SLCO2B1: variants seen among roughly 807,000 people sequenced by gnomAD.
The protein encoded by SLCO2B1 is OATP-RP2.
SLCO2B1 carries 41 observed loss-of-function variants against 67.3 expected under a neutral mutation model. The observed-to-expected ratio is 0.61, with a 90% CI of 0.47 to 0.79. The LOEUF (loss-of-function observed/expected upper bound fraction) is 0.79. SLCO2B1 is among the 30% of genes least tolerant of loss of function. SLCO2B1 has a pLI of 0.00. For synonymous variants in SLCO2B1, 379 were observed against 381.4 expected, an observed-to-expected ratio of 0.99 and a Z score of 0.07; for missense variants, 837 against 920.1, an observed-to-expected ratio of 0.91 and a Z score of 1.17.
At chr11:75,179,042 T>C (rs74324656) in intron 7 of SLCO2B1, among the ~76,000 whole-genome samples, 1,883 of 152,282 alleles carry the variant, frequency 0.012, 45 homozygotes, top group African/African-American at 0.043. Context: ...TGAATCCGTA[T>C]CTTGGCTACT....
At chr11:75,161,977 C>A (rs1160314421) in intron 1 of SLCO2B1, among the ~76,000 whole-genome samples, 1 of 152,298 alleles carries the variant, frequency 6.6e-6, no homozygotes, top group Admixed American at 6.5e-5. Flanking sequence ...TCAGTTATCA[C>A]CCCATGGGCC....
chr11:75,162,564 C>T (rs1325025389), intron 1 of SLCO2B1, 91 bp from the exon 2 acceptor site: 2 of 1,353,086 alleles, frequency 1.5e-6, no homozygotes, highest in Non-Finnish European at 2.0e-6. Flanking sequence ...TCCTGAAAGA[C>T]CTTGGTTCTG....
At chr11:75,171,485 T>A (rs1480213487) in intron 6 of SLCO2B1, among the ~76,000 whole-genome samples, 5 of 152,196 alleles carry the variant, frequency 3.3e-5, no homozygotes, top group Admixed American at 6.5e-5. Flanking sequence ...CTCGAACTCC[T>A]GGCCTCTAAT....
At chr11:75,203,165 G>A (rs1175753883) in intron 12 of SLCO2B1, 142 bp from the exon 13 acceptor site, 12 of 1,296,116 alleles carry the variant, frequency 9.3e-6, no homozygotes, top group Non-Finnish European at 1.3e-5. Flanking sequence ...AAGCCACCTC[G>A]GATGCAGGGG....
Position 75,193,356 on chromosome 11 carries a change from C to T in SLCO2B1, c.1214C>T (p.Thr405Ile), listed in dbSNP as rs747713084. The part of the protein sequence containing the change: ...PKFLERQFSI[T>I]ASYANLLIGC... ...TTCCTGGAGCGCCAGTTTTCCATCACAGCCTCCTACGCCAACCTGCTCATC... is the reference window on the plus strand; with the variant it reads ...TTCCTGGAGCGCCAGTTTTCCATCATAGCCTCCTACGCCAACCTGCTCATC... The change falls in exon 9 of 14, where the codon ACA (threonine) becomes ATA (isoleucine). Residue 405 changes from threonine (T) to isoleucine (I), a missense_variant. By Grantham distance (89) the Thr-to-Ile change is moderately conservative. Coordinates refer to ENST00000289575, the MANE Select transcript of SLCO2B1 (RefSeq NM_007256.5). The surrounding 1 kb of genome is among the most constrained non-coding windows in gnomAD (Gnocchi z 4.2). 48 of 1,614,078 alleles carry T rather than the reference C, an allele frequency of 3.0e-5. No homozygotes were observed. The highest frequency in any genetic ancestry group is 4.1e-5 in the Non-Finnish European group (48 of 1,180,054).
intron 8 of SLCO2B1, among the ~76,000 whole-genome samples, chr11:75,189,655 T>C (rs1419397662): frequency 6.6e-6 from 1 of 151,894 alleles, no homozygotes; most frequent in East Asian, 1.9e-4. Context: ...TTCCTAAGAT[T>C]TGATGTTGGG....
At chr11:75,157,841 G>A (rs1215680602) in intron 1 of SLCO2B1, among the ~76,000 whole-genome samples, 2 of 152,030 alleles carry the variant, frequency 1.3e-5, no homozygotes, top group African/African-American at 4.8e-5. Context: ...ACATAGAGAT[G>A]GGGTATCACC....
At chr11:75,197,969 G>T (rs1377080971) in intron 10 of SLCO2B1, among the ~76,000 whole-genome samples, 5 of 152,190 alleles carry the variant, frequency 3.3e-5, no homozygotes, top group Non-Finnish European at 5.9e-5. Context: ...GGGGATTTGT[G>T]GGGGCAGCAG....
intron 8 of SLCO2B1, among the ~76,000 whole-genome samples, chr11:75,189,922 G>T (rs1198682454): frequency 6.6e-6 from 1 of 150,742 alleles, no homozygotes; most frequent in Non-Finnish European, 1.5e-5. Flanking sequence ...TGATCTGGCC[G>T]CTGCGCTCCA....
At chr11:75,198,303 G>T (rs893406486) in intron 10 of SLCO2B1, among the ~76,000 whole-genome samples, 23 of 152,196 alleles carry the variant, frequency 1.5e-4, no homozygotes, top group African/African-American at 5.5e-4. Flanking sequence ...TAGTGCCTCA[G>T]TTTCTTGGTC....
Position 75,193,558 on chromosome 11 carries a change from C to A in SLCO2B1, c.1416C>A (p.Gly472=). The A allele has an allele frequency of 6.4e-7, 1 of 1,558,916 alleles. No individual in the cohort carries two copies. Among genetic ancestry groups the A allele is most frequent in the Non-Finnish European group, 8.7e-7 (1 of 1,151,748 alleles). Residue 472 remains glycine, a synonymous_variant, in exon 9 of 14, where the codon GGC becomes GGA. Transcript: ENST00000289575. This position sits in a 1 kb window ranked among gnomAD's most constrained non-coding sequence, Gnocchi z 4.2. ...GCTGCTCCAGCCACCAGATTGCGGG[C>A]ATCACACACCAGACCAGGTGAGTGT... ...FIGCSSHQIA[G]ITHQTSAHPG...
chr11:75,159,860 G>A (rs1392079093), intron 1 of SLCO2B1: 3 of 985,756 alleles, frequency 3.0e-6, no homozygotes, highest in Non-Finnish European at 3.6e-6. Flanking sequence ...TGAAGCTTCA[G>A]GGAGAGCCAG....
At chr11:75,154,292 A>G (rs1022340723) in intron 1 of SLCO2B1, among the ~76,000 whole-genome samples, 3 of 147,664 alleles carry the variant, frequency 2.0e-5, no homozygotes, top group African/African-American at 7.4e-5. Context: ...GGAGTTCGAG[A>G]CCAGCCTGAC....
Position 75,187,130 on chromosome 11 carries a change from A to C in SLCO2B1, c.973-1006A>C, listed in dbSNP as rs536949586. Among the ~76,000 whole-genome samples the C allele has an allele frequency of 2.4e-4, 36 of 152,322 alleles. No homozygotes were observed. The South Asian group carries it at 6.4e-3, about 27-fold the overall frequency. On this transcript the variant is annotated intron_variant, in intron 7 of 13. Transcript: ENST00000289575. ...CCAAGTTGTTGGTAGGGACGTATAT[A>C]CTTCAGGAGGTTGTGAGGTTTCGGT...
At chr11:75,181,413 T>C (rs942742142) in intron 7 of SLCO2B1, among the ~76,000 whole-genome samples, 1 of 151,638 alleles carries the variant, frequency 6.6e-6, no homozygotes, top group African/African-American at 2.4e-5. Flanking sequence ...GGAAGTGTGT[T>C]TCATTCTTCA....
chr11:75,151,310 C>G lies in SLCO2B1; in HGVS notation c.-72C>G. On this transcript the variant is annotated 5_prime_UTR_variant, in exon 1 of 14. Coordinates refer to ENST00000289575, the MANE Select transcript of SLCO2B1 (RefSeq NM_007256.5). The stretch of plus-strand genomic sequence containing the variant: ...CTCCAGGAGCCCCTGAGAAGATTTG[C>G]TTCCTCTCCCCTGCTAAGCTCCAGG... The G allele has an allele frequency of 6.9e-7, 1 of 1,453,346 alleles. No homozygotes were observed. Among genetic ancestry groups the G allele is most frequent in the East Asian group, 2.3e-5 (1 of 43,474 alleles). 90.0% of individuals were successfully genotyped at this position (1,453,346 alleles called of 1,614,324 possible).
At chr11:75,158,221 T>C (rs1024160933) in intron 1 of SLCO2B1, among the ~76,000 whole-genome samples, 3 of 152,166 alleles carry the variant, frequency 2.0e-5, no homozygotes, top group African/African-American at 2.4e-5. Context: ...ATTACAGGCA[T>C]GCACCACCAC....
chr11:75,173,600 C>G (rs559829377), intron 7 of SLCO2B1, among the ~76,000 whole-genome samples: 1 of 152,170 alleles, frequency 6.6e-6, no homozygotes, highest in East Asian at 1.9e-4. Flanking sequence ...TCCTCAGAAG[C>G]GGACACAGAG....
At chr11:75,199,240 C>T (rs566376850) in intron 10 of SLCO2B1, among the ~76,000 whole-genome samples, 18 of 152,302 alleles carry the variant, frequency 1.2e-4, no homozygotes, top group African/African-American at 3.9e-4. Context: ...AGCACAGCTT[C>T]ATCATGTGCA....
Sources: gnomAD v4.1 joint callset for allele counts (sites outside exome capture counted in the v4.1 genomes callset) on GRCh38, gnomAD v4.1.1 for gene constraint, Gnocchi (gnomAD v3.1) non-coding constraint, MANE v1.5 for transcripts, NCBI Gene and HGNC (gene_info 2026-07-23, HGNC 2026-07-21) for gene names.